Variants in ZNF730 observed in about 807,000 individuals in gnomAD.
The protein encoded by ZNF730 is zinc finger protein 730.
In ZNF730, 12 loss-of-function variants were observed where a neutral mutation model predicts 12.6. That is an observed-to-expected ratio of 0.95 (90% CI 0.61 to 1.54). ZNF730 has a LOEUF of 1.54. ZNF730 is among the 40% of genes most tolerant of loss of function. The probability of loss-of-function intolerance (pLI) is 0.00; values close to 1 mark genes in which losing one functional copy is unlikely to be tolerated. For synonymous variants in ZNF730, 194 were observed against 195.8 expected, an observed-to-expected ratio of 0.99 and a Z score of 0.08; for missense variants, 643 against 583.5, an observed-to-expected ratio of 1.10 and a Z score of -1.05.
chr19:23,098,433 C>G (rs528100864), intron 1 of ZNF730: 3 of 152,316 alleles, frequency 2.0e-5, no homozygotes, highest in African/African-American at 7.2e-5. Context: ...CTTTTCTGCT[C>G]TGCCTGAGAA....
chr19:23,082,649 A>AT (rs1969983660), intron 1 of ZNF730, among the ~76,000 whole-genome samples: 1 of 151,710 alleles, frequency 6.6e-6, no homozygotes, highest in Non-Finnish European at 1.5e-5. Flanking sequence ...GCCTGGCATA[A>AT]TTTTTTTTAA....
intron 1 of ZNF730, among the ~76,000 whole-genome samples, chr19:23,131,620 A>G (rs1282186810): frequency 6.6e-6 from 1 of 152,256 alleles, no homozygotes; most frequent in African/African-American, 2.4e-5. Flanking sequence ...TTGTATTGTC[A>G]CAAGAGTGCT....
intron 1 of ZNF730, among the ~76,000 whole-genome samples, chr19:23,093,834 G>C (rs988688293): frequency 2.0e-5 from 3 of 152,248 alleles, no homozygotes; most frequent in African/African-American, 7.2e-5. Context: ...TGGCAACTTA[G>C]ATACCAGAGG....
At chr19:23,135,221 TAAAAAAAAAAAAAAAAAA>T (rs57748615) in intron 2 of ZNF730, among the ~76,000 whole-genome samples, 1,427 of 38,874 alleles carry the variant, frequency 0.037, 33 homozygotes, top group African/African-American at 0.12. Flanking sequence ...GAATGATCAA[TAAAAAAAAAAAAAAAAAA>T]AAAAAAAAAA....
intron 1 of ZNF730, among the ~76,000 whole-genome samples, chr19:23,084,463 AAAACGTAC>A (rs1970022343): frequency 6.6e-6 from 1 of 152,230 alleles, no homozygotes; most frequent in African/African-American, 2.4e-5. Context: ...ATTCTTCTTT[AAAACGTAC>A]AAATAGGTCT....
chr19:23,099,885 T>A (rs930597601), intron 1 of ZNF730, among the ~76,000 whole-genome samples: 2 of 152,136 alleles, frequency 1.3e-5, no homozygotes, highest in Non-Finnish European at 2.9e-5. Flanking sequence ...GTAATGTCAC[T>A]CTGTTCTGCC....
chr19:23,128,257 A>G, intron 1 of ZNF730: 1 of 711,146 alleles, frequency 1.4e-6, no homozygotes, highest in South Asian at 1.4e-5. Flanking sequence ...AGTACACCAG[A>G]AGTACATCAT....
chr19:23,133,415 C>T (rs1229312303), intron 1 of ZNF730, among the ~76,000 whole-genome samples: 1 of 152,128 alleles, frequency 6.6e-6, no homozygotes, highest in Non-Finnish European at 1.5e-5. Context: ...AATCTTGGCT[C>T]ACTGCAACCT....
In ZNF730 at chr19:23,087,274, G is replaced by C. The variant is rs940084547; in HGVS notation, c.-94+11887G>C. Among the ~76,000 whole-genome samples the C allele has an allele frequency of 3.3e-5, 5 of 152,214 alleles. No homozygotes were observed. The South Asian group carries it at 6.2e-4, about 19-fold the overall frequency. Reference sequence around the variant, plus strand: ...ATTACAAAAATTAGCCAGGCATGGTGGCGGGTGCCTGTAATCCCAGGTACT... The same window carrying C: ...ATTACAAAAATTAGCCAGGCATGGTCGCGGGTGCCTGTAATCCCAGGTACT... On this transcript the variant is annotated intron_variant, in intron 1 of 2. Coordinates refer to the ZNF730 transcript ENST00000593635.
At chr19:23,105,963 C>G (rs1970388026) in intron 1 of ZNF730, among the ~76,000 whole-genome samples, 1 of 152,090 alleles carries the variant, frequency 6.6e-6, no homozygotes, top group South Asian at 2.1e-4. Context: ...ATTACATGAT[C>G]CAATTATATG....
chr19:23,096,628 C>T (rs1038686659), intron 1 of ZNF730, among the ~76,000 whole-genome samples: 4 of 152,136 alleles, frequency 2.6e-5, no homozygotes, highest in African/African-American at 9.7e-5. Flanking sequence ...CTGAGCCCTA[C>T]CCACAGAAGG....
chr19:23,085,077 C>T (rs1970034285), intron 1 of ZNF730, among the ~76,000 whole-genome samples: 5 of 152,164 alleles, frequency 3.3e-5, no homozygotes, highest in Admixed American at 2.6e-4. Context: ...ACACTCCCAC[C>T]AACAGAGTAT....
intron 1 of ZNF730, among the ~76,000 whole-genome samples, chr19:23,104,166 G>A (rs1970365334): frequency 6.6e-6 from 1 of 152,014 alleles, no homozygotes; most frequent in African/African-American, 2.4e-5. Flanking sequence ...AATTAGCATG[G>A]TGGCTGGCAC....
At chr19:23,103,013 C>A (rs1008820791) in intron 1 of ZNF730, among the ~76,000 whole-genome samples, 1 of 152,152 alleles carries the variant, frequency 6.6e-6, no homozygotes. Context: ...CATATGCATA[C>A]CCCAGCAAAC....
At chr19:23,093,256 A>G (rs891546575) in intron 1 of ZNF730, among the ~76,000 whole-genome samples, 1 of 152,224 alleles carries the variant, frequency 6.6e-6, no homozygotes, top group African/African-American at 2.4e-5. Context: ...GATTACAGGC[A>G]TGAGCCACTG....
chr19:23,129,688 A>T (rs555826321), intron 1 of ZNF730, among the ~76,000 whole-genome samples: 105 of 151,260 alleles, frequency 6.9e-4, no homozygotes, highest in Non-Finnish European at 1.3e-3. Context: ...TTTTGAGTTG[A>T]TGCTGAAATG....
chr19:23,129,339 G>C (rs376411557), intron 1 of ZNF730, among the ~76,000 whole-genome samples: 263 of 152,280 alleles, frequency 1.7e-3, no homozygotes, highest in African/African-American at 6.1e-3. Flanking sequence ...CATGAAGGTG[G>C]CCAGGAGGGA....
chr19:23,138,001 C>CTGGGTACCAGAAA (rs150250039), intron 3 of ZNF730, among the ~76,000 whole-genome samples: 1 of 75,238 alleles, frequency 1.3e-5, no homozygotes. Context: ...ATGGCTTTCA[C>CTGGGTACCAGAAA]GGCCGGGCGC....
chr19:23,109,197 TAATA>T (rs780886148), intron 1 of ZNF730, among the ~76,000 whole-genome samples: 1 of 152,168 alleles, frequency 6.6e-6, no homozygotes, highest in Non-Finnish European at 1.5e-5. Context: ...CTTAATATTT[TAATA>T]AATGTTATTA....
Sources: gnomAD v4.1 joint callset for allele counts (sites outside exome capture counted in the v4.1 genomes callset) on GRCh38, gnomAD v4.1.1 for gene constraint, MANE v1.5 for transcripts, NCBI Gene and HGNC (gene_info 2026-07-23, HGNC 2026-07-21) for gene names.